The following AR variants were observed in gnomAD, a reference collection of about 807,000 sequenced individuals.
The protein encoded by AR is androgen receptor, also known as dihydrotestosterone receptor.
Under a neutral mutation model 53.9 loss-of-function variants are expected in AR, and 8 were observed. That is an observed-to-expected ratio of 0.15 (90% CI 0.09 to 0.27). AR has a LOEUF of 0.27. Among genes scored for constraint, AR ranks in the 10% least tolerant of loss-of-function variants. The pLI is 1.00. For missense variants in AR, 639 were observed against 742.5 expected, an observed-to-expected ratio of 0.86 and a Z score of 1.62; for synonymous variants, 359 against 316.4, an observed-to-expected ratio of 1.13 and a Z score of -1.43.
intron 5 of AR, among the ~76,000 whole-genome samples, chrX:67,719,790 A>C (rs1282999660): frequency 8.9e-6 from 1 of 112,264 alleles, no homozygotes; most frequent in African/African-American, 3.2e-5. Flanking sequence ...CTGAAGAGGC[A>C]GTACTCTCCA....
rs771836658 is a variant in AR, at chrX:67,632,510, C to T, written c.1617-10746C>T. Among the ~76,000 whole-genome samples the T allele has an allele frequency of 4.9e-3, 552 of 112,307 alleles. 4 individuals carry two copies. The highest frequency in any genetic ancestry group is 0.017 in the African/African-American group (518 of 30,893). ...GCCCTGCTTCGGCTCACACACGGTGCGCTGCACCCACTGACCTGCGCCCAC... is the reference window on the plus strand; with the variant it reads ...GCCCTGCTTCGGCTCACACACGGTGTGCTGCACCCACTGACCTGCGCCCAC... On this transcript the variant is annotated intron_variant, in intron 1 of 7. Transcript: ENST00000374690.
At chrX:67,551,003 T>G (rs929224422) in intron 1 of AR, among the ~76,000 whole-genome samples, 1 of 97,408 alleles carries the variant, frequency 1.0e-5, no homozygotes, top group African/African-American at 3.9e-5. Flanking sequence ...ATAGCTGGGT[T>G]TTTTTTTTTT....
chrX:67,545,339 CAGCAGCA>C lies in AR; in HGVS notation c.194_200del (p.Gln65ArgfsTer108), dbSNP rs1929662784. 4 of 1,129,070 alleles carry C rather than the reference CAGCAGCA, an allele frequency of 3.5e-6. No individual in the cohort carries two copies. Among genetic ancestry groups the C allele is most frequent in the Non-Finnish European group, 4.7e-6 (4 of 848,758 alleles). The allele number at this position is 1,129,070 out of a possible 1,213,427, so 93.0% of individuals were successfully genotyped here. A position where few individuals can be genotyped will look rare whatever the true frequency, so the allele number is the denominator to read the frequency against. On this transcript the variant is annotated frameshift_variant, in exon 1 of 8. Transcript: ENST00000374690. LOFTEE classifies it high-confidence loss of function. ...GCTGCAGCAGCAGCAGCAGCAGCAG[CAGCAGCA>C]GCAGCAGCAGCAGCAGCAGCAGCAG...
At chrX:67,703,378 A>G (rs2076050868) in intron 3 of AR, among the ~76,000 whole-genome samples, 1 of 112,185 alleles carries the variant, frequency 8.9e-6, no homozygotes, top group Non-Finnish European at 1.9e-5. Context: ...CGGAATGCCT[A>G]AGGACCTCTA....
At chrX:67,698,023 A>T (rs899552615) in intron 3 of AR, among the ~76,000 whole-genome samples, 3 of 111,616 alleles carry the variant, frequency 2.7e-5, no homozygotes, top group African/African-American at 9.8e-5. Flanking sequence ...TCCCCATTTT[A>T]CAAATTAGTT....
rs758215536 is a variant in AR, at chrX:67,649,589, C to G, written c.1768+6182C>G. On this transcript the variant is annotated intron_variant, in intron 2 of 7. Coordinates refer to ENST00000374690, the MANE Select transcript of AR (RefSeq NM_000044.6). ...ATTCTAACTGGCATTGACATGGTATCTCACTGTGGTTTTGATTTGCATTTC... is the reference window on the plus strand; with the variant it reads ...ATTCTAACTGGCATTGACATGGTATGTCACTGTGGTTTTGATTTGCATTTC... 2.0e-3 allele frequency among the ~76,000 whole-genome samples: 220 copies of G among 112,514 alleles called. 2 individuals carry two copies. The highest frequency in any genetic ancestry group is 6.7e-3 in the African/African-American group (207 of 31,027).
At chrX:67,645,793 T>C (rs897889636) in intron 2 of AR, among the ~76,000 whole-genome samples, 1 of 111,238 alleles carries the variant, frequency 9.0e-6, no homozygotes, top group Non-Finnish European at 1.9e-5. Context: ...TGGTGTTTTC[T>C]TTCTCCTCCC....
chrX:67,568,904 T>C (rs780184523), intron 1 of AR: 67 of 1,204,705 alleles, frequency 5.6e-5, no homozygotes, highest in Middle Eastern at 4.6e-4. Flanking sequence ...TGCAAATGCC[T>C]GCCTGAAGCT....
chrX:67,615,707 T>A (rs967744919), intron 1 of AR, among the ~76,000 whole-genome samples: 1 of 111,738 alleles, frequency 8.9e-6, no homozygotes, highest in Non-Finnish European at 1.9e-5. Context: ...AAGCACTATC[T>A]GTAAAATTGT....
At chrX:67,596,513 A>G (rs1300065552) in intron 1 of AR, among the ~76,000 whole-genome samples, 2 of 112,190 alleles carry the variant, frequency 1.8e-5, no homozygotes, top group African/African-American at 6.5e-5. Context: ...TAAAAAATCT[A>G]TCTTGGCCTC....
At chrX:67,593,798 T>C (rs1922951661) in intron 1 of AR, among the ~76,000 whole-genome samples, 2 of 112,719 alleles carry the variant, frequency 1.8e-5, no homozygotes, top group Admixed American at 9.4e-5. Context: ...TAAATGCATT[T>C]CCTTTATAAC....
intron 3 of AR, among the ~76,000 whole-genome samples, chrX:67,686,512 A>T (rs1183918188): frequency 9.0e-6 from 1 of 110,628 alleles, no homozygotes; most frequent in Non-Finnish European, 1.9e-5. Context: ...GTGCAGGATG[A>T]CCCAGGCATA....
chrX:67,704,516 G>C (rs2076056788), intron 3 of AR, among the ~76,000 whole-genome samples: 1 of 111,431 alleles, frequency 9.0e-6, no homozygotes, highest in Admixed American at 9.5e-5. Flanking sequence ...TTGTAAATTT[G>C]TTTGAGTTCT....
chrX:67,694,375 A>G (rs1035409211), intron 3 of AR, among the ~76,000 whole-genome samples: 4 of 109,236 alleles, frequency 3.7e-5, no homozygotes, highest in African/African-American at 1.3e-4. Context: ...CTTGTCCACT[A>G]TGTTCAGAGA....
chrX:67,640,217 G>A (rs1925672818), intron 1 of AR, among the ~76,000 whole-genome samples: 1 of 111,236 alleles, frequency 9.0e-6, no homozygotes, highest in South Asian at 3.8e-4. Context: ...GATTGGGTTT[G>A]CCAGTATTTT....
chrX:67,709,294 C>T (rs2076083228), intron 3 of AR, among the ~76,000 whole-genome samples: 1 of 112,304 alleles, frequency 8.9e-6, no homozygotes, highest in South Asian at 3.7e-4. Context: ...CCACCCAGTT[C>T]GAGCTTCCCA....
At chrX:67,552,578 A>G (rs763520130) in intron 1 of AR, among the ~76,000 whole-genome samples, 140 of 112,612 alleles carry the variant, frequency 1.2e-3, no homozygotes, top group Middle Eastern at 9.3e-3. Flanking sequence ...TCTCTGAGTC[A>G]TATGATACCT....
In AR at chrX:67,545,525, C is replaced by A. The variant is rs1929685391; in HGVS notation, c.379C>A (p.Pro127Thr). The change falls in exon 1 of 8, where the codon CCC (proline) becomes ACC (threonine). Residue 127 changes from proline (P) to threonine (T), a missense_variant. Physicochemically the swap from Pro to Thr is conservative, Grantham distance 38. Coordinates refer to ENST00000374690, the MANE Select transcript of AR (RefSeq NM_000044.6). ...SQPQSALECH[P>T]ERGCVPEPGA... ...GCCGCAGTCGGCCCTGGAGTGCCAC[C>A]CCGAGAGAGGTTGCGTCCCAGAGCC... 1 of 1,188,546 alleles carries A rather than the reference C, an allele frequency of 8.4e-7. No individual in the cohort carries two copies. The highest frequency in any genetic ancestry group is 3.1e-5 in the East Asian group (1 of 32,554).
chrX:67,660,497 C>G (rs1358978890), intron 2 of AR, among the ~76,000 whole-genome samples: 1 of 111,510 alleles, frequency 9.0e-6, no homozygotes, highest in Non-Finnish European at 1.9e-5. Context: ...TTGTTTTTGT[C>G]AGGTTTGTCA....
Sources: allele counts gnomAD v4.1 joint callset (sites outside exome capture counted in the v4.1 genomes callset), GRCh38; gene constraint gnomAD v4.1.1; transcripts MANE v1.5; gene names NCBI Gene and HGNC (gene_info 2026-07-23, HGNC 2026-07-21).